The following PSMG4 variants were observed in gnomAD, a reference collection of about 807,000 sequenced individuals.
PSMG4 encodes proteasome (prosome, macropain) assembly chaperone 4.
PSMG4 carries 10 observed loss-of-function variants against 11.0 expected under a neutral mutation model. The ratio of observed to expected loss-of-function variants is 0.91; its 90% CI spans 0.56 to 1.54. The LOEUF is 1.54. PSMG4 is among the 40% of genes most tolerant of loss of function. The pLI is 0.00. For synonymous variants in PSMG4, 95 were observed against 71.3 expected, an observed-to-expected ratio of 1.33 and a Z score of -1.68; for missense variants, 198 against 160.9, an observed-to-expected ratio of 1.23 and a Z score of -1.25.
At chr6:3,260,291 A>ATATATATATATATATATATATATTTTTTT in intron 1 of PSMG4, among the ~76,000 whole-genome samples, 1 of 70,842 alleles carries the variant, frequency 1.4e-5, no homozygotes, top group East Asian at 4.6e-4. Context: ...ATATATATAT[A>ATATATATATATATATATATATATTTTTTT]TTTTTTTTTT....
intron 1 of PSMG4, among the ~76,000 whole-genome samples, chr6:3,260,616 T>C (rs1422898159): frequency 3.9e-5 from 6 of 152,184 alleles, no homozygotes; most frequent in Admixed American, 2.0e-4. Context: ...GCCGGGATTA[T>C]AGGCGTTAGC....
chr6:3,255,284 T>C (rs912764468), upstream of PSMG4: 1 of 1,535,220 alleles, frequency 6.5e-7, no homozygotes, highest in South Asian at 1.2e-5. Flanking sequence ...TACGGGTCTA[T>C]CGGTGCCCAT....
At chr6:3,257,924 T>C (rs1204884369), upstream of PSMG4, among the ~76,000 whole-genome samples, 1 of 152,244 alleles carries the variant, frequency 6.6e-6, no homozygotes, top group East Asian at 1.9e-4. Flanking sequence ...TATTGAATCA[T>C]CGATAATTAG....
At chr6:3,258,913 C>G, upstream of PSMG4, 2 of 1,101,434 alleles carry the variant, frequency 1.8e-6, no homozygotes, top group Non-Finnish European at 2.3e-6. Flanking sequence ...CTTCCGGGGC[C>G]GAAAGCGAAA....
At chr6:3,266,777 G>A (rs777979250) in intron 2 of PSMG4, 4 of 152,182 alleles carry the variant, frequency 2.6e-5, no homozygotes, top group Non-Finnish European at 5.9e-5. Flanking sequence ...ATATGCAAAT[G>A]CATGGAAACG....
intron 2 of PSMG4, 87 bp downstream of exon 2, chr6:3,263,846 A>G: frequency 6.6e-7 from 1 of 1,504,676 alleles, no homozygotes; most frequent in South Asian, 1.3e-5. Context: ...TCGGAAGTAA[A>G]GCATCTTTAT....
chr6:3,263,250 T>G (rs1408852959), intron 1 of PSMG4, among the ~76,000 whole-genome samples: 1 of 152,244 alleles, frequency 6.6e-6, no homozygotes, highest in Non-Finnish European at 1.5e-5. Flanking sequence ...ATGAGGAGAT[T>G]AGGCATCCTG....
At chr6:3,256,263 G>C (rs1176430358), upstream of PSMG4, among the ~76,000 whole-genome samples, 1 of 152,196 alleles carries the variant, frequency 6.6e-6, no homozygotes, top group Admixed American at 6.5e-5. Flanking sequence ...TGTGGGTGCT[G>C]GGCTAATTTC....
chr6:3,254,990 GA>G (rs1757702171), upstream of PSMG4: 1 of 1,520,070 alleles, frequency 6.6e-7, no homozygotes, highest in South Asian at 1.3e-5. Flanking sequence ...GGATCCCATG[GA>G]CCTAGCGCAC....
upstream of PSMG4, among the ~76,000 whole-genome samples, chr6:3,255,876 C>CTT (rs1361051282): frequency 7.9e-5 from 11 of 139,294 alleles, no homozygotes; most frequent in Non-Finnish European, 1.8e-4. Context: ...ATTGTTTTGT[C>CTT]TTCCTCTTTC....
chr6:3,255,080 TC>T, upstream of PSMG4: 1 of 1,551,012 alleles, frequency 6.4e-7, no homozygotes, highest in South Asian at 1.2e-5. Flanking sequence ...ATGCTTCTAT[TC>T]CTAAGAAGTT....
chr6:3,260,287 AT>A (rs1375967652), intron 1 of PSMG4, among the ~76,000 whole-genome samples: 1 of 10,754 alleles, frequency 9.3e-5, no homozygotes, highest in East Asian at 1.5e-3. Flanking sequence ...GTATATATAT[AT>A]ATATTTTTTT....
At position 3,267,804 on chromosome 6, in the gene PSMG4, C is replaced by T. The variant is rs958818738; in HGVS notation, c.*92C>T. On this transcript the variant is annotated 3_prime_UTR_variant, in exon 3 of 3. Coordinates refer to ENST00000438998, the MANE Select transcript of PSMG4 (RefSeq NM_001128591.2). The stretch of plus-strand genomic sequence containing the variant: ...TCAGTTTGTCATCAGGCCGCGCTCC[C>T]GTTTTGTTTTTAAGGGGTTAATCTT... 8.9e-6 allele frequency: 12 copies of T among 1,352,954 alleles called. No individual in the cohort carries two copies. Among genetic ancestry groups the T allele is most frequent in the Middle Eastern group, 1.9e-4 (1 of 5,380 alleles). The allele number at this position is 1,352,954 out of a possible 1,614,324, so 83.8% of individuals were successfully genotyped here.
upstream of PSMG4, chr6:3,255,356 A>G (rs1326414440): frequency 7.6e-6 from 11 of 1,442,286 alleles, no homozygotes; most frequent in African/African-American, 2.9e-5. Flanking sequence ...TAGTTGCTTA[A>G]TTTTTCCTGT....
At chr6:3,262,556 G>A (rs1222756842) in intron 1 of PSMG4, among the ~76,000 whole-genome samples, 1 of 152,072 alleles carries the variant, frequency 6.6e-6, no homozygotes, top group Admixed American at 6.5e-5. Flanking sequence ...ACCTTTAGGA[G>A]ATGAGCAGCG....
At chr6:3,254,774 G>C (rs79338402), upstream of PSMG4, among the ~76,000 whole-genome samples, 1 of 152,176 alleles carries the variant, frequency 6.6e-6, no homozygotes, top group African/African-American at 2.4e-5. Context: ...CTCACCTGTA[G>C]GGTCTGGCTG....
chr6:3,267,335 G>A (rs186195031), intron 2 of PSMG4: 8 of 310,824 alleles, frequency 2.6e-5, no homozygotes, highest in African/African-American at 4.3e-5. Context: ...GCTGCCTCTC[G>A]AACAAGTTCC....
At chr6:3,255,912 C>T (rs1018166820), upstream of PSMG4, among the ~76,000 whole-genome samples, 5 of 152,182 alleles carry the variant, frequency 3.3e-5, no homozygotes, top group African/African-American at 9.7e-5. Context: ...AACACATTTG[C>T]TGCATCCTTG....
At chr6:3,257,770 G>A (rs865945993), upstream of PSMG4, among the ~76,000 whole-genome samples, 20 of 152,186 alleles carry the variant, frequency 1.3e-4, no homozygotes, top group African/African-American at 4.8e-4. Context: ...AGTACTGGAC[G>A]CGTTCACTTT....
Sources: gnomAD v4.1 joint callset for allele counts (sites outside exome capture counted in the v4.1 genomes callset) on GRCh38, gnomAD v4.1.1 for gene constraint, MANE v1.5 for transcripts, NCBI Gene and HGNC (gene_info 2026-07-23, HGNC 2026-07-21) for gene names.